DIAPH3: variants seen among roughly 807,000 people sequenced by gnomAD.
The protein encoded by DIAPH3 is diaphanous related formin 3.
In DIAPH3, 117 loss-of-function variants were observed where a neutral mutation model predicts 144.3. The observed-to-expected ratio is 0.81, with a 90% CI of 0.70 to 0.95. The LOEUF (loss-of-function observed/expected upper bound fraction) is 0.95. Ranked by LOEUF, DIAPH3 falls within the 40% of genes least tolerant of loss-of-function variation. The probability of loss-of-function intolerance (pLI) is 0.00; values close to 1 mark genes in which losing one functional copy is unlikely to be tolerated. For missense variants in DIAPH3, 1,421 were observed against 1,412.7 expected, an observed-to-expected ratio of 1.01 and a Z score of -0.09; for synonymous variants, 519 against 488.9, an observed-to-expected ratio of 1.06 and a Z score of -0.81.
intron 25 of DIAPH3, among the ~76,000 whole-genome samples, chr13:59,809,400 C>G (rs1312570079): frequency 6.6e-6 from 1 of 151,426 alleles, no homozygotes; most frequent in Non-Finnish European, 1.5e-5. Flanking sequence ...ACTCGGGAGG[C>G]TTGAGGCAGG....
chr13:59,681,183 A>G (rs187409243), intron 27 of DIAPH3, among the ~76,000 whole-genome samples: 105 of 152,306 alleles, frequency 6.9e-4, no homozygotes, highest in African/African-American at 2.4e-3. Context: ...AAAAACAACA[A>G]AATGCCGGGC....
At chr13:59,857,170 A>C (rs1271270240) in intron 22 of DIAPH3, among the ~76,000 whole-genome samples, 1 of 152,158 alleles carries the variant, frequency 6.6e-6, no homozygotes, top group African/African-American at 2.4e-5. Context: ...TATAGCAACA[A>C]AGAGGTTAAC....
At chr13:60,127,176 C>G (rs1305899710) in intron 2 of DIAPH3, among the ~76,000 whole-genome samples, 4 of 151,794 alleles carry the variant, frequency 2.6e-5, no homozygotes, top group Admixed American at 6.6e-5. Context: ...AATACAGATC[C>G]TGCATTAAAG....
At chr13:59,691,757 T>TG (rs1374655834) in intron 27 of DIAPH3, among the ~76,000 whole-genome samples, 2 of 152,164 alleles carry the variant, frequency 1.3e-5, no homozygotes, top group Non-Finnish European at 2.9e-5. Flanking sequence ...TTAAAATGTG[T>TG]GAGAAACTTT....
intron 4 of DIAPH3, among the ~76,000 whole-genome samples, chr13:60,069,029 G>A (rs565003650): frequency 3.4e-4 from 52 of 152,120 alleles, no homozygotes; most frequent in African/African-American, 1.3e-3. Flanking sequence ...ACTGAATGGT[G>A]GTTGTTTTTA....
chr13:60,162,362 A>G (rs1426864196), intron 1 of DIAPH3, among the ~76,000 whole-genome samples: 2 of 149,686 alleles, frequency 1.3e-5, no homozygotes, highest in Non-Finnish European at 1.5e-5. Flanking sequence ...TTATTAACCC[A>G]GAGAGTAGAC....
intron 4 of DIAPH3, among the ~76,000 whole-genome samples, chr13:60,091,828 T>C (rs149286797): frequency 9.3e-4 from 141 of 151,978 alleles, no homozygotes; most frequent in African/African-American, 3.2e-3. Context: ...AAATAAACAA[T>C]TTAATTTTGT....
chr13:59,982,367 T>C, intron 13 of DIAPH3, among the ~76,000 whole-genome samples: 1 of 151,438 alleles, frequency 6.6e-6, no homozygotes, highest in East Asian at 1.9e-4. Context: ...ACATTTTAGT[T>C]TGCTGCATAT....
chr13:60,013,046 T>G (rs755808184), intron 7 of DIAPH3: 3 of 985,448 alleles, frequency 3.0e-6, no homozygotes, highest in Non-Finnish European at 2.4e-6. Context: ...GTTGTCAACT[T>G]ACCAGTGCTC....
intron 17 of DIAPH3, among the ~76,000 whole-genome samples, chr13:59,941,273 G>GA (rs1250460973): frequency 9.2e-5 from 14 of 152,232 alleles, no homozygotes; most frequent in African/African-American, 3.1e-4. Context: ...TGCAGCACAT[G>GA]AGAAAAGGAC....
intron 22 of DIAPH3, among the ~76,000 whole-genome samples, chr13:59,841,837 A>G (rs1280974879): frequency 2.0e-5 from 3 of 152,162 alleles, no homozygotes; most frequent in Non-Finnish European, 4.4e-5. Flanking sequence ...TCCTCACCAG[A>G]ACATCATGAA....
At chr13:59,759,938 A>T (rs922620516) in intron 27 of DIAPH3, among the ~76,000 whole-genome samples, 1 of 148,648 alleles carries the variant, frequency 6.7e-6, no homozygotes, top group Non-Finnish European at 1.5e-5. Context: ...ACAGTGTGAG[A>T]CTCCATCTCA....
intron 21 of DIAPH3, among the ~76,000 whole-genome samples, chr13:59,864,419 G>A (rs2043792349): frequency 2.0e-5 from 3 of 151,888 alleles, no homozygotes; most frequent in Admixed American, 6.6e-5. Flanking sequence ...CTGAATTCTC[G>A]GCAACCCATT....
At chr13:59,768,079 A>T (rs2037944924) in intron 27 of DIAPH3, among the ~76,000 whole-genome samples, 1 of 152,144 alleles carries the variant, frequency 6.6e-6, no homozygotes, top group African/African-American at 2.4e-5. Flanking sequence ...GTTTGAATAA[A>T]CTGTGAAATC....
At chr13:60,137,634 CA>C (rs1488371250) in intron 1 of DIAPH3, among the ~76,000 whole-genome samples, 1 of 151,880 alleles carries the variant, frequency 6.6e-6, no homozygotes, top group Non-Finnish European at 1.5e-5. Context: ...CAGCCACCAT[CA>C]GATTCAAGCC....
intron 22 of DIAPH3, among the ~76,000 whole-genome samples, chr13:59,855,017 T>C (rs976548509): frequency 2.0e-5 from 3 of 152,206 alleles, no homozygotes; most frequent in African/African-American, 7.2e-5. Flanking sequence ...GTAGTTCCTC[T>C]GTGCCCAGTG....
chr13:60,101,782 G>A (rs992290181), intron 3 of DIAPH3, among the ~76,000 whole-genome samples: 2 of 151,994 alleles, frequency 1.3e-5, no homozygotes, highest in Admixed American at 6.6e-5. Flanking sequence ...CCTTATCTCT[G>A]ACCTCAATCT....
intron 27 of DIAPH3, among the ~76,000 whole-genome samples, chr13:59,724,334 C>A (rs80103509): frequency 0.043 from 6,520 of 152,234 alleles, 233 homozygotes; most frequent in South Asian, 0.11. Flanking sequence ...TCCAAACCAG[C>A]TTAGGAGCCT....
At chr13:59,897,225 C>T (rs1317207519) in intron 20 of DIAPH3, among the ~76,000 whole-genome samples, 1 of 151,996 alleles carries the variant, frequency 6.6e-6, no homozygotes, top group Non-Finnish European at 1.5e-5. Flanking sequence ...GGAAAGAGAA[C>T]AAAAAGTAGA....
Sources: gnomAD v4.1 joint callset for allele counts (sites outside exome capture counted in the v4.1 genomes callset) on GRCh38, gnomAD v4.1.1 for gene constraint, MANE v1.5 for transcripts, NCBI Gene and HGNC (gene_info 2026-07-23, HGNC 2026-07-21) for gene names.